The following MYH15 variants were observed in gnomAD, a reference collection of about 807,000 sequenced individuals.
MYH15 encodes the protein myosin-15.
In MYH15, 227 loss-of-function variants were observed where a neutral mutation model predicts 240.5. The ratio of observed to expected loss-of-function variants is 0.94; its 90% CI spans 0.85 to 1.05. The LOEUF is 1.05. MYH15 is among the 50% of genes least tolerant of loss of function. The pLI is 0.00. For synonymous variants in MYH15, 785 were observed against 796.7 expected (o/e 0.99, Z 0.25); for missense variants, 2,217 against 2,247.5 (o/e 0.99, Z 0.27).
chr3:108,505,633 G>A, intron 2 of MYH15, 90 bp downstream of exon 2: 1 of 668,006 alleles, frequency 1.5e-6, no homozygotes, highest in Non-Finnish European at 2.2e-6. Flanking sequence ...TCCTACCCCA[G>A]ATCTTTAATT....
At chr3:108,512,823 C>T (rs1260132321), upstream of MYH15, among the ~76,000 whole-genome samples, 1 of 152,104 alleles carries the variant, frequency 6.6e-6, no homozygotes, top group Non-Finnish European at 1.5e-5. Flanking sequence ...GTACAAAGAA[C>T]AGAATGTGTA....
intron 36 of MYH15, 72 bp downstream of exon 36, chr3:108,393,958 GT>G (rs1370055818): frequency 6.3e-7 from 1 of 1,597,466 alleles, no homozygotes; most frequent in African/African-American, 1.3e-5. Context: ...GGCTGCAGAT[GT>G]GGCCCTGCCC....
chr3:108,388,843 C>T (rs2082401906), intron 38 of MYH15, 127 bp downstream of exon 38: 6 of 716,132 alleles, frequency 8.4e-6, no homozygotes, highest in Non-Finnish European at 1.4e-5. Flanking sequence ...TCAGTGTCTA[C>T]TGCTGAAGGA....
chr3:108,447,642 A>G (rs2082939784), intron 21 of MYH15, among the ~76,000 whole-genome samples: 1 of 152,098 alleles, frequency 6.6e-6, no homozygotes, highest in African/African-American at 2.4e-5. Flanking sequence ...TGCCTTTCAG[A>G]AATGGAGAGA....
At chr3:108,398,876 C>T in intron 34 of MYH15, 36 bp from the exon 35 acceptor site, 1 of 1,586,428 alleles carries the variant, frequency 6.3e-7, no homozygotes, top group Non-Finnish European at 8.7e-7. Context: ...GTACAGATCC[C>T]TCTGAGTTCA....
chr3:108,425,398 T>A (rs1046658164), intron 27 of MYH15, among the ~76,000 whole-genome samples: 5 of 152,176 alleles, frequency 3.3e-5, no homozygotes, highest in Non-Finnish European at 7.3e-5. Flanking sequence ...AATTTGGGCA[T>A]ATAAATATAG....
At chr3:108,483,655 G>A (rs1379098567) in intron 11 of MYH15, among the ~76,000 whole-genome samples, 1 of 152,158 alleles carries the variant, frequency 6.6e-6, no homozygotes, top group Non-Finnish European at 1.5e-5. Flanking sequence ...AACATTCATA[G>A]CAGCATTACT....
At chr3:108,462,228 C>T (rs775021630) in intron 16 of MYH15, among the ~76,000 whole-genome samples, 1 of 152,110 alleles carries the variant, frequency 6.6e-6, no homozygotes, top group Non-Finnish European at 1.5e-5. Context: ...GTGTTAACAA[C>T]TTTGGCTCAG....
chr3:108,493,420 T>G (rs1307703928), intron 7 of MYH15, among the ~76,000 whole-genome samples: 1 of 152,218 alleles, frequency 6.6e-6, no homozygotes, highest in African/African-American at 2.4e-5. Flanking sequence ...GGACTAGCAG[T>G]GGTTCTGGCT....
chr3:108,405,152 T>A (rs1236292513), intron 33 of MYH15, 186 bp downstream of exon 33: 1 of 368,970 alleles, frequency 2.7e-6, no homozygotes, highest in African/African-American at 2.1e-5. Context: ...GATATCTAAT[T>A]GTGTATAAAG....
Position 108,449,367 on chromosome 3 carries a change from T to C in MYH15, c.2400-4472A>G, listed in dbSNP as rs1032875096. Among the ~76,000 whole-genome samples the C allele has an allele frequency of 2.8e-4, 42 of 152,048 alleles. 1 individual carries two copies. The highest frequency in any genetic ancestry group is 3.8e-4 in the East Asian group (2 of 5,204). ...ACAAACTATAGCAATCAAAACAGCA[T>C]GGTATTAGCATAAAAACAAACATAT... On this transcript the variant is annotated intron_variant, in intron 21 of 40. Coordinates refer to ENST00000693548, the MANE Select transcript of MYH15 (RefSeq NM_014981.3).
chr3:108,441,065 T>G lies in MYH15; in HGVS notation c.2851A>C (p.Thr951Pro), dbSNP rs761535712. 1 of 1,614,056 alleles carries G rather than the reference T, an allele frequency of 6.2e-7. No individual in the cohort carries two copies. Among genetic ancestry groups the G allele is most frequent in the Non-Finnish European group, 8.5e-7 (1 of 1,180,000 alleles). The change falls in exon 23 of 41, where the codon ACA becomes CCA. Residue 951 changes from threonine to proline, a missense_variant. Transcript: ENST00000693548. The stretch of plus-strand genomic sequence containing the variant: ...TCCTTCTCTGACTTCACCAACATTG[T>G]TTCCAGGTCATCGATTTCTTTCTTC... The part of the protein sequence containing the change: ...ELKKEIDDLE[T>P]MLVKSEKEKR...
At position 108,408,362 on chromosome 3, in the gene MYH15, T is replaced by C; in HGVS notation, c.4538A>G (p.Lys1513Arg). Residue 1513 changes from lysine (K) to arginine (R), a missense_variant, in exon 32 of 41, where the codon AAG (lysine) becomes AGG (arginine). Coordinates refer to ENST00000693548, the MANE Select transcript of MYH15 (RefSeq NM_014981.3). ...GACCTTTTCCATTTCAGTTAAGTTCTTGGTCCCTTCTCTAACCTGGTTTGT... is the reference window on the plus strand; with the variant it reads ...GACCTTTTCCATTTCAGTTAAGTTCCTGGTCCCTTCTCTAACCTGGTTTGT... ...NLTNQVREGT[K>R]NLTEMEKVKK... 6.2e-7 allele frequency: 1 copy of C among 1,613,588 alleles called. No individual in the cohort carries two copies. Among genetic ancestry groups the C allele is most frequent in the Admixed American group, 1.7e-5 (1 of 59,972 alleles).
At chr3:108,482,069 G>C (rs2083272078) in intron 11 of MYH15, among the ~76,000 whole-genome samples, 1 of 152,104 alleles carries the variant, frequency 6.6e-6, no homozygotes, top group South Asian at 2.1e-4. Context: ...GGGCTAGGTG[G>C]TGGCAGTGGG....
chr3:108,459,548 C>A, intron 17 of MYH15, 99 bp from the exon 18 acceptor site: 1 of 647,606 alleles, frequency 1.5e-6, no homozygotes, highest in Non-Finnish European at 2.6e-6. Flanking sequence ...CTTAATCTCA[C>A]AGCCAAGATG....
Position 108,421,136 on chromosome 3 carries a change from A to G in MYH15, c.3781T>C (p.Leu1261=). 6.2e-7 allele frequency: 1 copy of G among 1,614,176 alleles called. No homozygotes were observed. The highest frequency in any genetic ancestry group is 1.1e-5 in the South Asian group (1 of 91,086). ...TTTTGTGCTGCCAGGTCATTTGCCA[A>G]CTGAGTCACCTTATCTAGCTTTGCA... The part of the protein sequence containing the change: ...ATAKLDKVTQ[L]ANDLAAQKTK... Residue 1261 remains leucine, a synonymous_variant, in exon 28 of 41, where the codon TTG becomes CTG. Transcript: ENST00000693548.
intron 25 of MYH15, among the ~76,000 whole-genome samples, chr3:108,434,370 C>T (rs988996980): frequency 6.6e-6 from 1 of 151,314 alleles, no homozygotes; most frequent in Non-Finnish European, 1.5e-5. Context: ...TTAGTAGAGA[C>T]AGGGTTTATC....
intron 21 of MYH15, among the ~76,000 whole-genome samples, chr3:108,450,876 GAAGAA>G (rs1377737592): frequency 1.3e-5 from 2 of 151,726 alleles, no homozygotes; most frequent in Non-Finnish European, 2.9e-5. Flanking sequence ...AAAGAAAGTA[GAAGAA>G]AAGAAAGAAT....
Position 108,421,120 on chromosome 3 carries a change from G to A in MYH15, c.3797C>T (p.Ala1266Val). The change falls in exon 28 of 41, where the codon GCA (alanine) becomes GTA (valine). Residue 1266 changes from alanine to valine, a missense_variant. Transcript: ENST00000693548. ...DKVTQLANDL[A>V]AQKTKLWSES... ...ACTCCACAGCTTTGTCTTTTGTGCT[G>A]CCAGGTCATTTGCCAACTGAGTCAC... 1 of 1,614,114 alleles carries A rather than the reference G, an allele frequency of 6.2e-7. No homozygotes were observed. The highest frequency in any genetic ancestry group is 8.5e-7 in the Non-Finnish European group (1 of 1,179,982).
Sources: allele counts gnomAD v4.1 joint callset (sites outside exome capture counted in the v4.1 genomes callset), GRCh38; gene constraint gnomAD v4.1.1; transcripts MANE v1.5; gene names NCBI Gene and HGNC (gene_info 2026-07-23, HGNC 2026-07-21).